The following SLC44A5 variants were observed in gnomAD, a reference collection of about 807,000 sequenced individuals.
SLC44A5 encodes the protein solute carrier family 44 member 5, also known as choline transporter-like protein 5.
In SLC44A5, 57 loss-of-function variants were observed where a neutral mutation model predicts 101.8. The ratio of observed to expected loss-of-function variants is 0.56; its 90% CI spans 0.45 to 0.70. The LOEUF (loss-of-function observed/expected upper bound fraction) is 0.70, where lower values mean the gene tolerates loss of function less well. Ranked by LOEUF, SLC44A5 falls within the 30% of genes least tolerant of loss-of-function variation. The probability of loss-of-function intolerance (pLI) is 0.00; values close to 1 mark genes in which losing one functional copy is unlikely to be tolerated. For missense variants in SLC44A5, 737 were observed against 853.1 expected, an observed-to-expected ratio of 0.86 and a Z score of 1.70; for synonymous variants, 281 against 290.9, an observed-to-expected ratio of 0.97 and a Z score of 0.35.
intron 1 of SLC44A5, among the ~76,000 whole-genome samples, chr1:75,545,670 T>A (rs1671607137): frequency 6.6e-6 from 1 of 152,194 alleles, no homozygotes; most frequent in Non-Finnish European, 1.5e-5. Context: ...GGGAGATACT[T>A]TGATGAAATG....
the SLC44A5 span, chr1:75,642,235 T>C: frequency 1.9e-6 from 1 of 535,596 alleles, no homozygotes; most frequent in Non-Finnish European, 3.3e-6. Flanking sequence ...TCACTTGATA[T>C]TATGATGACT....
chr1:75,259,476 GAGAAAAA>G (rs1194353924), intron 6 of SLC44A5, among the ~76,000 whole-genome samples: 4 of 152,084 alleles, frequency 2.6e-5, no homozygotes, highest in Non-Finnish European at 5.9e-5. Flanking sequence ...GACAAGATTA[GAGAAAAA>G]AGAGTGAAGA....
At chr1:75,658,160 G>C in the SLC44A5 span, among the ~76,000 whole-genome samples, 1 of 151,952 alleles carries the variant, frequency 6.6e-6, no homozygotes, top group African/African-American at 2.4e-5. Context: ...CTGCAGCCTC[G>C]ACCTCTGAGC....
At chr1:75,658,571 T>G in the SLC44A5 span, among the ~76,000 whole-genome samples, 1 of 152,114 alleles carries the variant, frequency 6.6e-6, no homozygotes, top group Non-Finnish European at 1.5e-5. Flanking sequence ...CAACATTTCT[T>G]GAGACAAATG....
At chr1:75,401,056 T>G (rs1662445983) in intron 2 of SLC44A5, among the ~76,000 whole-genome samples, 1 of 152,130 alleles carries the variant, frequency 6.6e-6, no homozygotes, top group Non-Finnish European at 1.5e-5. Flanking sequence ...CCACCCTCAT[T>G]CTACTCACTG....
intron 1 of SLC44A5, among the ~76,000 whole-genome samples, chr1:75,596,486 C>A (rs929616841): frequency 4.7e-4 from 72 of 152,056 alleles, no homozygotes; most frequent in Non-Finnish European, 7.4e-4. Flanking sequence ...CAAAACCCTG[C>A]AGAAATAAAC....
At chr1:75,325,616 A>G (rs757631079) in intron 4 of SLC44A5, among the ~76,000 whole-genome samples, 7 of 152,104 alleles carry the variant, frequency 4.6e-5, no homozygotes, top group African/African-American at 7.2e-5. Flanking sequence ...ACATTGTTAT[A>G]ATTGTTGTAT....
the SLC44A5 span, among the ~76,000 whole-genome samples, chr1:75,650,924 A>C: frequency 6.6e-6 from 1 of 152,208 alleles, no homozygotes; most frequent in Admixed American, 6.5e-5. Context: ...TTCAGGCCAC[A>C]AATTCAAAAT....
chr1:75,590,876 C>A (rs557380014), intron 1 of SLC44A5, among the ~76,000 whole-genome samples: 1 of 152,294 alleles, frequency 6.6e-6, no homozygotes, highest in South Asian at 2.1e-4. Context: ...GCTTAGGGGA[C>A]CCCGCTACCC....
the SLC44A5 span, among the ~76,000 whole-genome samples, chr1:75,719,843 C>A: frequency 6.6e-6 from 1 of 152,182 alleles, no homozygotes; most frequent in South Asian, 2.1e-4. Flanking sequence ...AGTATGTTGG[C>A]AATGAGAAAC....
At chr1:75,699,758 T>G in the SLC44A5 span, among the ~76,000 whole-genome samples, 1 of 151,972 alleles carries the variant, frequency 6.6e-6, no homozygotes, top group Non-Finnish European at 1.5e-5. Flanking sequence ...ATTCAGGAAA[T>G]CCATCTCACG....
intron 2 of SLC44A5, among the ~76,000 whole-genome samples, chr1:75,490,515 T>G (rs1668372732): frequency 6.6e-6 from 1 of 152,196 alleles, no homozygotes; most frequent in African/African-American, 2.4e-5. Flanking sequence ...AAAGAGCATC[T>G]TTCTTTACAC....
the SLC44A5 span, among the ~76,000 whole-genome samples, chr1:75,634,486 C>G: frequency 6.6e-6 from 1 of 151,260 alleles, no homozygotes; most frequent in African/African-American, 2.4e-5. Flanking sequence ...TGGAACAGAA[C>G]AGAGCCCTCA....
chr1:75,306,733 C>CTTTTTTCTTTTTTT (rs1553158685), intron 4 of SLC44A5, among the ~76,000 whole-genome samples: 2 of 102,588 alleles, frequency 1.9e-5, no homozygotes, highest in African/African-American at 8.5e-5. Flanking sequence ...GGTTTCCTTT[C>CTTTTTTCTTTTTTT]TTTTTTTTTT....
At chr1:75,561,624 T>C (rs1672522849) in intron 1 of SLC44A5, among the ~76,000 whole-genome samples, 2 of 152,104 alleles carry the variant, frequency 1.3e-5, no homozygotes, top group Non-Finnish European at 2.9e-5. Flanking sequence ...CTGAATAAAA[T>C]TAAAAGGAAA....
At chr1:75,518,736 A>G (rs956252935) in intron 2 of SLC44A5, among the ~76,000 whole-genome samples, 1 of 152,234 alleles carries the variant, frequency 6.6e-6, no homozygotes, top group African/African-American at 2.4e-5. Flanking sequence ...TTATTAGTAA[A>G]AGAATCCAGT....
chr1:75,589,851 A>T (rs1674244867), intron 1 of SLC44A5, among the ~76,000 whole-genome samples: 1 of 152,158 alleles, frequency 6.6e-6, no homozygotes, highest in Non-Finnish European at 1.5e-5. Flanking sequence ...TGCCCCCTGC[A>T]GAGAGAGCAT....
the SLC44A5 span, among the ~76,000 whole-genome samples, chr1:75,673,166 G>A: frequency 1.3e-5 from 2 of 152,148 alleles, no homozygotes; most frequent in African/African-American, 4.8e-5. Context: ...TCTGATTCCA[G>A]GACTTGGATC....
chr1:75,715,051 G>C, the SLC44A5 span, among the ~76,000 whole-genome samples: 2 of 152,030 alleles, frequency 1.3e-5, no homozygotes, highest in Non-Finnish European at 2.9e-5. Context: ...TTCACAACAG[G>C]CACAAAAAGA....
Sources: gnomAD v4.1 joint callset for allele counts (sites outside exome capture counted in the v4.1 genomes callset) on GRCh38, gnomAD v4.1.1 for gene constraint, MANE v1.5 for transcripts, NCBI Gene and HGNC (gene_info 2026-07-23, HGNC 2026-07-21) for gene names.